SEMA4F: variants seen among roughly 807,000 people sequenced by gnomAD.
SEMA4F encodes semaphorin-4F.
SEMA4F carries 51 observed loss-of-function variants against 78.4 expected under a neutral mutation model. The observed-to-expected ratio is 0.65, with a 90% CI of 0.52 to 0.82. SEMA4F has a LOEUF of 0.82. Among genes scored for constraint, SEMA4F ranks in the 40% least tolerant of loss-of-function variants. SEMA4F has a pLI of 0.00. For missense variants in SEMA4F, 938 were observed against 1,014.4 expected, an observed-to-expected ratio of 0.92 and a Z score of 1.02; for synonymous variants, 418 against 408.7, an observed-to-expected ratio of 1.02 and a Z score of -0.27.
chr2:74,656,826 G>C lies in SEMA4F; in HGVS notation c.297+141G>C, dbSNP rs115979260. On this transcript the variant is annotated intron_variant, in intron 2 of 13. Coordinates refer to ENST00000357877, the MANE Select transcript of SEMA4F (RefSeq NM_004263.5). ...AGGAGGGGGTGAGTTGGGAGACATG[G>C]GGGGAGATCATCCACTTTGTTTTCT... 9.5e-4 allele frequency: 812 copies of C among 853,590 alleles called. 3 individuals are homozygous for C. In the African/African-American group the frequency reaches 0.012, roughly 13 times the overall value. The allele number at this position is 853,590 out of a possible 1,614,324, so 52.9% of individuals were successfully genotyped here.
intron 12 of SEMA4F, among the ~76,000 whole-genome samples, chr2:74,677,266 A>C (rs367592830): frequency 1.3e-5 from 2 of 152,232 alleles, no homozygotes; most frequent in Non-Finnish European, 2.9e-5. Flanking sequence ...AGAGAATTGT[A>C]TAATGAATTT....
At chr2:74,702,035 T>C in the SEMA4F span, among the ~76,000 whole-genome samples, 1 of 152,108 alleles carries the variant, frequency 6.6e-6, no homozygotes, top group Non-Finnish European at 1.5e-5. Flanking sequence ...CTGCAGCAAT[T>C]TGGGGAACAC....
At chr2:74,705,963 C>CTT in the SEMA4F span, among the ~76,000 whole-genome samples, 32,582 of 150,554 alleles carry the variant, frequency 0.22, 5,001 homozygotes, top group East Asian at 0.82. Flanking sequence ...ATTTTCTTTT[C>CTT]TTTTTTTTTG....
the SEMA4F span, among the ~76,000 whole-genome samples, chr2:74,695,175 C>T: frequency 1.3e-4 from 20 of 152,260 alleles, no homozygotes; most frequent in Admixed American, 2.6e-4. Flanking sequence ...CAGGTTATAG[C>T]AACACTGTCC....
chr2:74,656,574 A>G lies in SEMA4F; in HGVS notation c.186A>G (p.Thr62=), dbSNP rs527307440. 1 of 1,614,054 alleles carries G rather than the reference A, an allele frequency of 6.2e-7. No individual in the cohort carries two copies. The highest frequency in any genetic ancestry group is 8.5e-7 in the Non-Finnish European group (1 of 1,179,998). The change falls in exon 2 of 14, where the codon ACA becomes ACG. Residue 62 remains threonine (T), a synonymous_variant. Coordinates refer to ENST00000357877, the MANE Select transcript of SEMA4F (RefSeq NM_004263.5). ...TCACCCGGTTCGCAGTCCCTCACAC[A>G]TACAATTACTCTGTTCTCCTTGTGG... ...SCLTRFAVPH[T]YNYSVLLVDP...
At chr2:74,704,193 T>C in the SEMA4F span, among the ~76,000 whole-genome samples, 1 of 151,806 alleles carries the variant, frequency 6.6e-6, no homozygotes, top group Non-Finnish European at 1.5e-5. Flanking sequence ...ATTGGGGCCT[T>C]AGATGAGTCA....
At chr2:74,696,627 G>A in the SEMA4F span, among the ~76,000 whole-genome samples, 1 of 152,132 alleles carries the variant, frequency 6.6e-6, no homozygotes, top group Admixed American at 6.5e-5. Flanking sequence ...CACTGCTCAG[G>A]TGATGGGTGC....
At chr2:74,668,183 C>T (rs199633385) in intron 5 of SEMA4F, among the ~76,000 whole-genome samples, 2 of 151,916 alleles carry the variant, frequency 1.3e-5, no homozygotes, top group Admixed American at 1.3e-4. Context: ...GAGCAGAAGA[C>T]TGCTCTTTCT....
At chr2:74,704,262 C>T in the SEMA4F span, among the ~76,000 whole-genome samples, 1 of 150,734 alleles carries the variant, frequency 6.6e-6, no homozygotes, top group Non-Finnish European at 1.5e-5. Flanking sequence ...CCTCATTCTC[C>T]ATGTAGAATT....
intron 13 of SEMA4F, 68 bp downstream of exon 13, chr2:74,679,402 C>A: frequency 6.7e-7 from 1 of 1,498,680 alleles, no homozygotes; most frequent in Non-Finnish European, 9.3e-7. Context: ...GAGAGTTGTT[C>A]ATTTTGGAAC....
the SEMA4F span, among the ~76,000 whole-genome samples, chr2:74,700,966 C>A: frequency 2.0e-5 from 3 of 152,276 alleles, no homozygotes; most frequent in Admixed American, 6.5e-5. Flanking sequence ...TCTAGTAAAA[C>A]ATGAAATTGG....
At chr2:74,685,992 A>T (rs1363355293), downstream of SEMA4F, among the ~76,000 whole-genome samples, 2 of 152,252 alleles carry the variant, frequency 1.3e-5, no homozygotes, top group African/African-American at 4.8e-5. Flanking sequence ...GAGAAATGCA[A>T]ATCAAAACCA....
the SEMA4F span, among the ~76,000 whole-genome samples, chr2:74,697,695 C>T: frequency 5.9e-5 from 9 of 152,222 alleles, no homozygotes; most frequent in East Asian, 1.7e-3. Flanking sequence ...CTCCAGGCTC[C>T]AGGCTTTAGA....
Position 74,675,851 on chromosome 2 carries a change from G to T in SEMA4F, c.1585G>T (p.Val529Phe), listed in dbSNP as rs770209004. Residue 529 changes from valine to phenylalanine, a missense_variant, in exon 12 of 14, where the codon GTC (valine) becomes TTC (phenylalanine). Transcript: ENST00000357877. ...AGAGTGCATCCTGGCCCAGGACCCA[G>T]TCTGTGCCTGGAGCTTCCGGCTGGA... is the stretch of plus-strand genomic sequence containing the variant. The part of the protein sequence containing the change: ...CSECILAQDP[V>F]CAWSFRLDEC... 1 of 1,614,246 alleles carries T rather than the reference G, an allele frequency of 6.2e-7. No homozygotes were observed. Among genetic ancestry groups the T allele is most frequent in the East Asian group, 2.2e-5 (1 of 44,886 alleles).
intron 4 of SEMA4F, 149 bp from the exon 5 acceptor site, chr2:74,662,583 A>C: frequency 1.4e-6 from 1 of 706,870 alleles, no homozygotes; most frequent in East Asian, 2.5e-5. Flanking sequence ...GGAATAGCTG[A>C]CTGGTAATAT....
chr2:74,662,601 A>C, intron 4 of SEMA4F, 131 bp from the exon 5 acceptor site: 3 of 750,822 alleles, frequency 4.0e-6, no homozygotes, highest in Non-Finnish European at 4.8e-6. Flanking sequence ...TATGGGGATG[A>C]TAGTTGGGGG....
chr2:74,677,026 C>T (rs796637204), intron 12 of SEMA4F, among the ~76,000 whole-genome samples: 10 of 152,172 alleles, frequency 6.6e-5, no homozygotes, highest in South Asian at 2.1e-4. Flanking sequence ...CTCAGCCTCC[C>T]GAATAGCTGG....
At chr2:74,686,753 C>T (rs1685830833), downstream of SEMA4F, among the ~76,000 whole-genome samples, 1 of 152,064 alleles carries the variant, frequency 6.6e-6, no homozygotes, top group East Asian at 1.9e-4. Flanking sequence ...TGGAAACCAT[C>T]ATTCTGAGCA....
downstream of SEMA4F, among the ~76,000 whole-genome samples, chr2:74,685,718 A>G (rs1685808750): frequency 6.6e-6 from 1 of 152,140 alleles, no homozygotes; most frequent in Admixed American, 6.5e-5. Flanking sequence ...TAAAAACCAC[A>G]ATTACTGTAA....
Sources: gnomAD v4.1 joint callset for allele counts (sites outside exome capture counted in the v4.1 genomes callset) on GRCh38, gnomAD v4.1.1 for gene constraint, MANE v1.5 for transcripts, NCBI Gene and HGNC (gene_info 2026-07-23, HGNC 2026-07-21) for gene names.